WWOX: variants seen among roughly 807,000 people sequenced by gnomAD.
WWOX encodes the protein WW domain containing oxidoreductase.
WWOX carries 69 observed loss-of-function variants against 46.2 expected under a neutral mutation model. The observed-to-expected ratio is 1.49, with a 90% CI of 1.23 to 1.82. The LOEUF (loss-of-function observed/expected upper bound fraction) is 1.82. Among genes scored for constraint, WWOX ranks in the 40% most tolerant of loss-of-function variants. The pLI is 0.00. For missense variants in WWOX, 919 were observed against 542.6 expected (o/e 1.69, Z -6.89); for synonymous variants, 359 against 202.6 (o/e 1.77, Z -6.56).
At chr16:78,457,461 A>G (rs528523011) in intron 8 of WWOX, among the ~76,000 whole-genome samples, 5 of 152,310 alleles carry the variant, frequency 3.3e-5, no homozygotes, top group East Asian at 3.9e-4. Flanking sequence ...AATTTCACCA[A>G]TTGGTAGGTG....
intron 8 of WWOX, among the ~76,000 whole-genome samples, chr16:78,803,853 G>C (rs1456951658): frequency 6.6e-6 from 1 of 152,134 alleles, no homozygotes; most frequent in Non-Finnish European, 1.5e-5. Context: ...AATAGTCAGA[G>C]CTCAAAAATT....
chr16:79,168,529 C>T (rs2050638632), intron 8 of WWOX, among the ~76,000 whole-genome samples: 1 of 152,140 alleles, frequency 6.6e-6, no homozygotes. Flanking sequence ...TCAGTCTCTC[C>T]CCGCCTCCCT....
chr16:78,505,724 A>C (rs552575351), intron 8 of WWOX, among the ~76,000 whole-genome samples: 51 of 151,776 alleles, frequency 3.4e-4, no homozygotes, highest in African/African-American at 1.1e-3. Flanking sequence ...CACAGGGAGC[A>C]TGCAGGCTTA....
At chr16:78,796,827 C>CT (rs530486192) in intron 8 of WWOX, among the ~76,000 whole-genome samples, 49,570 of 133,084 alleles carry the variant, frequency 0.37, 9,283 homozygotes, top group East Asian at 0.42. Context: ...TTATCTTCTT[C>CT]TTTTTTTTTT....
At chr16:78,899,087 C>T (rs2044766196) in intron 8 of WWOX, 1 of 151,518 alleles carries the variant, frequency 6.6e-6, no homozygotes, top group African/African-American at 2.4e-5. Flanking sequence ...GTTTCTTTTT[C>T]TTGTTTTAAT....
intron 8 of WWOX, among the ~76,000 whole-genome samples, chr16:78,907,448 C>T (rs1269924697): frequency 6.6e-6 from 1 of 152,190 alleles, no homozygotes; most frequent in Non-Finnish European, 1.5e-5. Flanking sequence ...CTCCTGTCCT[C>T]CTCCTAACTT....
intron 6 of WWOX, among the ~76,000 whole-genome samples, chr16:78,388,666 A>G (rs1239035008): frequency 1.3e-5 from 2 of 149,888 alleles, no homozygotes; most frequent in East Asian, 2.0e-4. Flanking sequence ...AAAAAAAAAA[A>G]AAAAAAAAAA....
At chr16:78,405,442 T>G (rs2082505461) in intron 6 of WWOX, among the ~76,000 whole-genome samples, 1 of 152,220 alleles carries the variant, frequency 6.6e-6, no homozygotes, top group South Asian at 2.1e-4. Flanking sequence ...CCTTTCAAAT[T>G]TAAAGGAATA....
intron 8 of WWOX, among the ~76,000 whole-genome samples, chr16:78,443,533 C>G (rs2083492079): frequency 6.6e-6 from 1 of 152,124 alleles, no homozygotes; most frequent in African/African-American, 2.4e-5. Flanking sequence ...GAGGCTGGAG[C>G]ACCTCATCAA....
intron 8 of WWOX, among the ~76,000 whole-genome samples, chr16:79,013,892 A>T (rs1021322307): frequency 3.0e-4 from 45 of 151,924 alleles, no homozygotes; most frequent in African/African-American, 1.0e-3. Flanking sequence ...CATATTTTTC[A>T]TTTGGTTTCC....
chr16:78,504,242 T>G (rs1477582834), intron 8 of WWOX, among the ~76,000 whole-genome samples: 1 of 152,218 alleles, frequency 6.6e-6, no homozygotes, highest in Non-Finnish European at 1.5e-5. Context: ...TATTAGGAAA[T>G]GGCTCTTTGG....
At chr16:78,509,296 C>T (rs1312739108) in intron 8 of WWOX, among the ~76,000 whole-genome samples, 4 of 152,182 alleles carry the variant, frequency 2.6e-5, no homozygotes, top group Admixed American at 6.5e-5. Flanking sequence ...AAAAGTTAGC[C>T]GAGCGTGATG....
chr16:78,123,440 G>GTTTTGTTTTTTTTTTAT (rs1567584444), intron 4 of WWOX: 1 of 50,500 alleles, frequency 2.0e-5, no homozygotes, highest in Non-Finnish European at 3.7e-5. Flanking sequence ...TTTTTGTTTT[G>GTTTTGTTTTTTTTTTAT]TTTTTTTTTT....
chr16:78,316,671 G>A (rs1050266739), intron 5 of WWOX, among the ~76,000 whole-genome samples: 1 of 152,192 alleles, frequency 6.6e-6, no homozygotes, highest in Non-Finnish European at 1.5e-5. Flanking sequence ...TGGAAAATGG[G>A]ACTTGTTAAC....
At chr16:78,376,615 A>G (rs781099220) in intron 5 of WWOX, among the ~76,000 whole-genome samples, 2 of 152,210 alleles carry the variant, frequency 1.3e-5, no homozygotes, top group African/African-American at 2.4e-5. Flanking sequence ...TTGAGGCCAG[A>G]TAATCCTTTG....
At chr16:79,046,920 A>T (rs1373394274) in intron 8 of WWOX, among the ~76,000 whole-genome samples, 1 of 152,194 alleles carries the variant, frequency 6.6e-6, no homozygotes, top group Non-Finnish European at 1.5e-5. Context: ...TCAAATTCTT[A>T]AACAACTCAC....
intron 8 of WWOX, chr16:78,825,734 G>A: frequency 1.7e-6 from 1 of 577,598 alleles, no homozygotes; most frequent in Non-Finnish European, 3.3e-6. Flanking sequence ...TGAGTTTGTG[G>A]ATGGCCTGAT....
chr16:78,716,222 C>CAGAGAT (rs1400859976), intron 8 of WWOX, among the ~76,000 whole-genome samples: 6 of 151,850 alleles, frequency 4.0e-5, no homozygotes, highest in Non-Finnish European at 8.8e-5. Context: ...GAGGCAGAGG[C>CAGAGAT]AGAGATTGAA....
chr16:78,401,925 C>G (rs976871496), intron 6 of WWOX, among the ~76,000 whole-genome samples: 28 of 152,112 alleles, frequency 1.8e-4, no homozygotes, highest in African/African-American at 6.3e-4. Context: ...GTCTCAAACT[C>G]CTGACCTCTA....
Sources: gnomAD v4.1 joint callset for allele counts (sites outside exome capture counted in the v4.1 genomes callset) on GRCh38, gnomAD v4.1.1 for gene constraint, MANE v1.5 for transcripts, NCBI Gene and HGNC (gene_info 2026-07-23, HGNC 2026-07-21) for gene names.